The following ARHGEF16 variants were observed in gnomAD, a reference collection of about 807,000 sequenced individuals.
ARHGEF16 encodes the protein Rho guanine nucleotide exchange factor 16.
ARHGEF16 carries 59 observed loss-of-function variants against 74.1 expected under a neutral mutation model. The ratio of observed to expected loss-of-function variants is 0.80; its 90% CI spans 0.65 to 0.99. The LOEUF (loss-of-function observed/expected upper bound fraction) is 0.99, where lower values mean the gene tolerates loss of function less well. Ranked by LOEUF, ARHGEF16 falls within the 50% of genes least tolerant of loss-of-function variation. The pLI is 0.00. For missense variants in ARHGEF16, 948 were observed against 986.6 expected (o/e 0.96, Z 0.52); for synonymous variants, 415 against 412.6 (o/e 1.01, Z -0.07).
At position 3,478,064 on chromosome 1, in the gene ARHGEF16, C is replaced by T. The variant is rs200890973; in HGVS notation, c.1625+38C>T. 6.7e-4 allele frequency: 1,085 copies of T among 1,611,882 alleles called. 14 individuals carry two copies. In the South Asian group the frequency reaches 0.011, roughly 16 times the overall value. Reference sequence around the variant, plus strand: ...CAGGAGGGTGTGGGGAGCCCCACTCCATGGACACTGGACCGCTGGCCCTGG... The same window carrying T: ...CAGGAGGGTGTGGGGAGCCCCACTCTATGGACACTGGACCGCTGGCCCTGG... On this transcript the variant is annotated intron_variant, in intron 11 of 14. Transcript: ENST00000378378.
At chr1:3,470,630 C>T (rs956147398) in intron 6 of ARHGEF16, among the ~76,000 whole-genome samples, 1 of 140,918 alleles carries the variant, frequency 7.1e-6, no homozygotes, top group African/African-American at 2.7e-5. Context: ...TGTGCGTGGG[C>T]AGGGATGTCT....
At chr1:3,457,050 C>T (rs1639281088) in intron 1 of ARHGEF16, among the ~76,000 whole-genome samples, 1 of 152,268 alleles carries the variant, frequency 6.6e-6, no homozygotes, top group Non-Finnish European at 1.5e-5. Flanking sequence ...TGACTACCAG[C>T]AGTGTCCCCA....
chr1:3,478,699 T>C, intron 12 of ARHGEF16, 87 bp downstream of exon 12: 1 of 1,423,720 alleles, frequency 7.0e-7, no homozygotes, highest in South Asian at 1.4e-5. Context: ...TTGCTCGCTG[T>C]TGCATGGCTG....
intron 4 of ARHGEF16, among the ~76,000 whole-genome samples, 180 bp downstream of exon 4, chr1:3,467,517 C>T (rs996617695): frequency 8.5e-5 from 13 of 152,220 alleles, no homozygotes; most frequent in Non-Finnish European, 1.9e-4. Context: ...GGGTCTCCCT[C>T]CTGTGCCCTC....
Position 3,480,701 on chromosome 1 carries a change from G to T in ARHGEF16, c.*114G>T. The T allele has an allele frequency of 7.2e-7, 1 of 1,379,356 alleles. No individual in the cohort carries two copies. The highest frequency in any genetic ancestry group is 2.5e-5 in the East Asian group (1 of 40,194). 85.4% of individuals were successfully genotyped at this position (1,379,356 alleles called of 1,614,324 possible). A position where few individuals can be genotyped will look rare whatever the true frequency, so the allele number is the denominator to read the frequency against. On this transcript the variant is annotated 3_prime_UTR_variant, in exon 15 of 15. Coordinates refer to ENST00000378378, the MANE Select transcript of ARHGEF16 (RefSeq NM_014448.4). ...CAAGGACCCAGCATGGTTCCCTGGG[G>T]CTTCCCAAGAGCCTGTGGCTGTGGT...
At chr1:3,458,175 C>A (rs761771566) in intron 1 of ARHGEF16, among the ~76,000 whole-genome samples, 1 of 152,226 alleles carries the variant, frequency 6.6e-6, no homozygotes, top group Non-Finnish European at 1.5e-5. Flanking sequence ...ACTGTGGGGA[C>A]ACGAACAGGA....
In ARHGEF16 at chr1:3,457,413, C is replaced by T. The variant is rs116420967; in HGVS notation, c.-20+2602C>T. 6.5e-3 allele frequency among the ~76,000 whole-genome samples: 996 copies of T among 152,286 alleles called. 12 individuals are homozygous for T. Among genetic ancestry groups the T allele is most frequent in the African/African-American group, 0.023 (958 of 41,560 alleles). On this transcript the variant is annotated intron_variant, in intron 1 of 14. Transcript: ENST00000378378. The stretch of plus-strand genomic sequence containing the variant: ...CTGGAGGCCTGTGCAACATCCTAAC[C>T]GGAGGGGCAGCAAACTTGGGGCAAT...
At position 3,478,590 on chromosome 1, in the gene ARHGEF16, C is replaced by T. The variant is rs373360896; in HGVS notation, c.1792C>T (p.Leu598Phe). ...LRNSEGRQEQLLLSSDSASDR... is the reference protein window; with the variant it reads ...LRNSEGRQEQFLLSSDSASDR... Reference sequence around the variant, plus strand: ...CAACAGCGAGGGCCGCCAGGAGCAGCTCCTGCTCTCCTCGGACTCCGCGTA... The same window carrying T: ...CAACAGCGAGGGCCGCCAGGAGCAGTTCCTGCTCTCCTCGGACTCCGCGTA... Residue 598 changes from leucine (L) to phenylalanine (F), a missense_variant, in exon 12 of 15, where the codon CTC becomes TTC. By Grantham distance (22) the Leu-to-Phe change is conservative. Coordinates refer to ENST00000378378, the MANE Select transcript of ARHGEF16 (RefSeq NM_014448.4). The T allele has an allele frequency of 8.7e-6, 14 of 1,611,254 alleles. No individual in the cohort carries two copies. The highest frequency in any genetic ancestry group is 6.7e-5 in the East Asian group (3 of 44,868).
At position 3,478,054 on chromosome 1, in the gene ARHGEF16, A is replaced by G. The variant is rs1312418063; in HGVS notation, c.1625+28A>G. ...GGCCTTAGGGCAGGAGGGTGTGGGGAGCCCCACTCCATGGACACTGGACCG... is the reference window on the plus strand; with the variant it reads ...GGCCTTAGGGCAGGAGGGTGTGGGGGGCCCCACTCCATGGACACTGGACCG... On this transcript the variant is annotated intron_variant, in intron 11 of 14. Coordinates refer to ENST00000378378, the MANE Select transcript of ARHGEF16 (RefSeq NM_014448.4). 3 of 1,612,326 alleles carry G rather than the reference A, an allele frequency of 1.9e-6. No homozygotes were observed. In the South Asian group the frequency reaches 3.3e-5, roughly 18 times the overall value.
At chr1:3,477,769 C>T in intron 10 of ARHGEF16, 106 bp from the exon 11 acceptor site, 1 of 1,072,016 alleles carries the variant, frequency 9.3e-7, no homozygotes. Context: ...AGGAGTCAGT[C>T]CCACCTGGTG....
In ARHGEF16 at chr1:3,463,542, C is replaced by T; in HGVS notation, c.458C>T (p.Ser153Phe). ...GMLRRNLRNQ[S>F]YRAAMKGLGK... is the part of the protein sequence containing the mutation. The stretch of plus-strand genomic sequence containing the variant: ...CTGAGGCGGAACCTGCGGAACCAAT[C>T]CTACCGGGCGGCCATGAAGGGCCTG... The change falls in exon 2 of 15, where the codon TCC becomes TTC. Residue 153 changes from serine (S) to phenylalanine (F), a missense_variant. Ser to Phe is a radical substitution (Grantham distance 155). Transcript: ENST00000378378. The T allele has an allele frequency of 2.0e-6, 3 of 1,463,910 alleles. No homozygotes were observed. Among genetic ancestry groups the T allele is most frequent in the Non-Finnish European group, 2.7e-6 (3 of 1,104,354 alleles). 90.7% of individuals were successfully genotyped at this position (1,463,910 alleles called of 1,614,324 possible).
chr1:3,469,604 G>A lies in ARHGEF16; in HGVS notation c.1022+11G>A, dbSNP rs1284520184. The A allele has an allele frequency of 1.2e-6, 2 of 1,612,464 alleles. No homozygotes were observed. Among genetic ancestry groups the A allele is most frequent in the East Asian group, 2.2e-5 (1 of 44,874 alleles). On this transcript the variant is annotated intron_variant, in intron 6 of 14. Transcript: ENST00000378378. The stretch of plus-strand genomic sequence containing the variant: ...GGGTGCCAGTCAGAGGTGAGGCCAC[G>A]CCACAGCCTTCCACACAGGGTCCTC...
At chr1:3,468,312 C>T (rs1639604837) in intron 4 of ARHGEF16, among the ~76,000 whole-genome samples, 1 of 152,206 alleles carries the variant, frequency 6.6e-6, no homozygotes, top group African/African-American at 2.4e-5. Context: ...TCAGGGTGGC[C>T]TGAGTCCTGC....
chr1:3,465,918 C>A, intron 2 of ARHGEF16: 1 of 559,200 alleles, frequency 1.8e-6, no homozygotes, highest in South Asian at 2.2e-5. Context: ...TGAGTTCAAC[C>A]CTTCCTCCTC....
intron 12 of ARHGEF16, 38 bp from the exon 13 acceptor site, chr1:3,479,479 G>A (rs769977890): frequency 1.6e-5 from 26 of 1,607,346 alleles, no homozygotes; most frequent in South Asian, 4.4e-5. Context: ...GGGCAGGATC[G>A]GTCTCCAGGC....
intron 10 of ARHGEF16, among the ~76,000 whole-genome samples, 200 bp from the exon 11 acceptor site, chr1:3,477,675 C>T (rs766006131): frequency 6.6e-6 from 1 of 151,856 alleles, no homozygotes; most frequent in Non-Finnish European, 1.5e-5. Context: ...TGGCGCACCT[C>T]GATTTGAGGC....
chr1:3,463,680 C>T lies in ARHGEF16; in HGVS notation c.588+8C>T. 7.1e-7 allele frequency: 1 copy of T among 1,408,280 alleles called. No homozygotes were observed. Among genetic ancestry groups the T allele is most frequent in the Non-Finnish European group, 9.3e-7 (1 of 1,075,024 alleles). 87.2% of individuals were successfully genotyped at this position (1,408,280 alleles called of 1,614,324 possible). On this transcript the variant is annotated splice_region_variant and intron_variant, in intron 2 of 14. Coordinates refer to ENST00000378378, the MANE Select transcript of ARHGEF16 (RefSeq NM_014448.4). ...AGCCCGGCCAAAAACAAGGTAGGGG[C>T]CTGCTCGTGTGGACCGTGGGGAGGG...
Position 3,479,800 on chromosome 1 carries a change from T to C in ARHGEF16, c.1889-12T>C. The C allele has an allele frequency of 6.2e-7, 1 of 1,611,506 alleles. No individual in the cohort carries two copies. The highest frequency in any genetic ancestry group is 8.5e-7 in the Non-Finnish European group (1 of 1,179,588). On this transcript the variant is annotated splice_polypyrimidine_tract_variant and intron_variant, in intron 13 of 14. Coordinates refer to ENST00000378378, the MANE Select transcript of ARHGEF16 (RefSeq NM_014448.4). The stretch of plus-strand genomic sequence containing the variant: ...CTCCCGACAGCCCTGTGATGGCCAC[T>C]GCCCTATGCAGACCTGCCCCAGGTG...
chr1:3,469,627 C>T (rs1223663729), intron 6 of ARHGEF16, 34 bp downstream of exon 6: 2 of 1,610,322 alleles, frequency 1.2e-6, no homozygotes, highest in Non-Finnish European at 1.7e-6. Context: ...ACACAGGGTC[C>T]TCTGCCAGGA....
Sources: gnomAD v4.1 joint callset for allele counts (sites outside exome capture counted in the v4.1 genomes callset) on GRCh38, gnomAD v4.1.1 for gene constraint, MANE v1.5 for transcripts, NCBI Gene and HGNC (gene_info 2026-07-23, HGNC 2026-07-21) for gene names.